Variants in NT5DC4 observed in about 807,000 individuals in gnomAD.
The protein encoded by NT5DC4 is 5'-nucleotidase domain containing 4.
A neutral mutation model predicts 26.6 loss-of-function variants in NT5DC4; 44 were observed. The ratio of observed to expected loss-of-function variants is 1.65; its 90% CI spans 1.30 to 2.13. The LOEUF is 2.13. Among genes scored for constraint, NT5DC4 ranks in the 30% most tolerant of loss-of-function variants. The pLI is 0.00. For missense variants in NT5DC4, 399 were observed against 228.1 expected (o/e 1.75, Z -4.83); for synonymous variants, 157 against 86.7 (o/e 1.81, Z -4.51).
downstream of NT5DC4, chr2:112,740,789 A>C (rs774982375): frequency 1.3e-5 from 21 of 1,563,150 alleles, no homozygotes; most frequent in East Asian, 4.3e-4. Flanking sequence ...AAGTCTGTGA[A>C]CACAAAGTCT....
At chr2:112,727,960 G>A (rs1465578548) in intron 15 of NT5DC4, among the ~76,000 whole-genome samples, 4 of 152,220 alleles carry the variant, frequency 2.6e-5, no homozygotes, top group East Asian at 1.9e-4. Context: ...CAGCTCTCTC[G>A]GGCGGCCCCG....
chr2:112,723,044 C>G, intron 6 of NT5DC4, 37 bp from the exon 7 acceptor site: 1 of 691,424 alleles, frequency 1.4e-6, no homozygotes, highest in Non-Finnish European at 2.7e-6. Flanking sequence ...TTCAGGCCCC[C>G]TTATTGGCCT....
chr2:112,741,306 G>A (rs1679946779), downstream of NT5DC4, among the ~76,000 whole-genome samples: 1 of 151,464 alleles, frequency 6.6e-6, no homozygotes, highest in Admixed American at 6.6e-5. Flanking sequence ...TCACTCTCAA[G>A]AGAGCTCTCT....
At position 112,739,039 on chromosome 2, in the gene NT5DC4, C is replaced by T; in HGVS notation, c.*103C>T. 1.2e-6 allele frequency: 2 copies of T among 1,613,344 alleles called. No individual in the cohort carries two copies. The highest frequency in any genetic ancestry group is 1.7e-6 in the Non-Finnish European group (2 of 1,179,428). On this transcript the variant is annotated 3_prime_UTR_variant, in exon 17 of 17. Coordinates refer to ENST00000688554, the MANE Select transcript of NT5DC4 (RefSeq NM_001393655.1). ...ATTTCATGTCTTGCACTTCCGGCAT[C>T]CCATTTATTCTGAGAGACAGCAAGA...
chr2:112,719,281 C>T (rs1676616820), upstream of NT5DC4, among the ~76,000 whole-genome samples: 1 of 152,204 alleles, frequency 6.6e-6, no homozygotes, highest in South Asian at 2.1e-4. Context: ...CATACGCAGT[C>T]CACTGTTGGG....
chr2:112,727,964 G>A (rs1463280695), intron 15 of NT5DC4, among the ~76,000 whole-genome samples: 1 of 152,230 alleles, frequency 6.6e-6, no homozygotes, highest in Non-Finnish European at 1.5e-5. Flanking sequence ...TCTCTCGGGC[G>A]GCCCCGGAGT....
At chr2:112,720,143 C>G (rs1199831564), upstream of NT5DC4, among the ~76,000 whole-genome samples, 1 of 150,678 alleles carries the variant, frequency 6.6e-6, no homozygotes, top group Non-Finnish European at 1.5e-5. Context: ...TGGGTTCAAG[C>G]AATTCTCCTG....
At position 112,739,026 on chromosome 2, in the gene NT5DC4, G is replaced by A; in HGVS notation, c.*90G>A. The A allele has an allele frequency of 6.2e-7, 1 of 1,614,004 alleles. No individual in the cohort carries two copies. The highest frequency in any genetic ancestry group is 8.5e-7 in the Non-Finnish European group (1 of 1,179,928). On this transcript the variant is annotated 3_prime_UTR_variant, in exon 17 of 17. Transcript: ENST00000688554. ...ACAGGAGTGATAAATTTCATGTCTT[G>A]CACTTCCGGCATCCCATTTATTCTG...
chr2:112,735,392 C>A (rs1040097540), intron 16 of NT5DC4, among the ~76,000 whole-genome samples: 1 of 152,126 alleles, frequency 6.6e-6, no homozygotes, highest in African/African-American at 2.4e-5. Context: ...GAGTGCCTGG[C>A]ATAGTGAGCA....
chr2:112,742,660 C>T (rs1438035300), downstream of NT5DC4: 1 of 1,206,678 alleles, frequency 8.3e-7, no homozygotes, highest in Admixed American at 1.9e-5. Context: ...ATGATTTTTA[C>T]TGGTACAGCT....
chr2:112,739,135 CA>C, downstream of NT5DC4: 1 of 1,014,678 alleles, frequency 9.9e-7, no homozygotes, highest in South Asian at 1.5e-5. Context: ...AATAATAAAA[CA>C]GGGAAGACAT....
chr2:112,724,341 T>C (rs1248735734), intron 10 of NT5DC4: 3 of 604,556 alleles, frequency 5.0e-6, no homozygotes, highest in East Asian at 2.8e-5. Context: ...TTGGGGGTGA[T>C]AGGAGGCAGT....
At chr2:112,740,796 G>C (rs760025632), downstream of NT5DC4, 1 of 1,574,906 alleles carries the variant, frequency 6.3e-7, no homozygotes, top group Non-Finnish European at 8.7e-7. Flanking sequence ...TGAACACAAA[G>C]TCTGCTTTAG....
chr2:112,725,878 AG>A (rs1464987712), intron 13 of NT5DC4, among the ~76,000 whole-genome samples: 28 of 109,162 alleles, frequency 2.6e-4, no homozygotes, highest in African/African-American at 8.8e-4. Flanking sequence ...ATGTTCAGTG[AG>A]TGGAAGGTAC....
rs1201720296 is a variant in NT5DC4 at position 112,725,357 on chromosome 2, G to A, written c.983-25G>A. The A allele has an allele frequency of 1.9e-5, 13 of 692,864 alleles. No individual in the cohort carries two copies. In the East Asian group the frequency reaches 3.3e-4, roughly 17 times the overall value. 42.9% of individuals were successfully genotyped at this position (692,864 alleles called of 1,614,324 possible). ...CCCAAGGCAGGAAGGGCAAACGAGTGTCTGTCCTCCCCTTGGTGGGGCAGG... is the reference window on the plus strand; with the variant it reads ...CCCAAGGCAGGAAGGGCAAACGAGTATCTGTCCTCCCCTTGGTGGGGCAGG... On this transcript the variant is annotated intron_variant, in intron 12 of 16. Coordinates refer to ENST00000688554, the MANE Select transcript of NT5DC4 (RefSeq NM_001393655.1).
intron 16 of NT5DC4, chr2:112,731,001 C>T (rs963750503): frequency 5.3e-5 from 8 of 152,118 alleles, no homozygotes; most frequent in African/African-American, 1.9e-4. Context: ...CATTTTGACA[C>T]ATTATCTACC....
intron 16 of NT5DC4, chr2:112,737,875 A>G (rs1679429278): frequency 6.6e-6 from 1 of 152,244 alleles, no homozygotes; most frequent in Non-Finnish European, 1.5e-5. Context: ...AGCAGGAACT[A>G]ATAGAAATTT....
At chr2:112,735,744 T>C (rs1344929539) in intron 16 of NT5DC4, among the ~76,000 whole-genome samples, 3 of 152,118 alleles carry the variant, frequency 2.0e-5, no homozygotes, top group Non-Finnish European at 4.4e-5. Flanking sequence ...TAGGGTGCAG[T>C]TTTCTGCAGC....
Position 112,722,469 on chromosome 2 carries a change from T to C in NT5DC4, c.363-14T>C, listed in dbSNP as rs1194184737. ...TCCAGGAGGCACTGGGGAGGGGTCA[T>C]TGGCTGCACCCAGCCTACCCCTCCT... On this transcript the variant is annotated splice_polypyrimidine_tract_variant and intron_variant, in intron 4 of 16. Transcript: ENST00000688554. The C allele has an allele frequency of 2.8e-6, 2 of 717,090 alleles. No homozygotes were observed. Among genetic ancestry groups the C allele is most frequent in the East Asian group, 2.7e-5 (1 of 37,256 alleles). The allele number at this position is 717,090 out of a possible 1,614,324, so 44.4% of individuals were successfully genotyped here. A position where few individuals can be genotyped will look rare whatever the true frequency, so the allele number is the denominator to read the frequency against.
Sources: allele counts gnomAD v4.1 joint callset (sites outside exome capture counted in the v4.1 genomes callset), GRCh38; gene constraint gnomAD v4.1.1; transcripts MANE v1.5; gene names NCBI Gene and HGNC (gene_info 2026-07-23, HGNC 2026-07-21).